ANKRD44: variants seen among roughly 807,000 people sequenced by gnomAD.
ANKRD44 encodes ankyrin repeat domain 44, also known as serine/threonine-protein phosphatase 6 regulatory ankyrin repeat subunit B.
In ANKRD44, 35 loss-of-function variants were observed where a neutral mutation model predicts 116.0. That is an observed-to-expected ratio of 0.30 (90% CI 0.23 to 0.40). The LOEUF is 0.40. Ranked by LOEUF, ANKRD44 falls within the 10% of genes least tolerant of loss-of-function variation. ANKRD44 has a pLI of 1.00. For synonymous variants in ANKRD44, 435 were observed against 461.8 expected, an observed-to-expected ratio of 0.94 and a Z score of 0.74; for missense variants, 1,014 against 1,242.6, an observed-to-expected ratio of 0.82 and a Z score of 2.77.
chr2:197,072,165 T>C lies in ANKRD44; in HGVS notation c.1650+6538A>G, dbSNP rs980319542. On this transcript the variant is annotated intron_variant, in intron 16 of 27. Coordinates refer to ENST00000282272, the MANE Select transcript of ANKRD44 (RefSeq NM_001195144.2). The stretch of plus-strand genomic sequence containing the variant: ...AGGGTGGGCCAGATTAACTTATTTT[T>C]TTGGTTGACTTGTAAACTGCCTTCT... Among the ~76,000 whole-genome samples, 13 of 152,004 alleles carry C rather than the reference T, an allele frequency of 8.6e-5. No homozygotes were observed. In the East Asian group the frequency reaches 2.3e-3, roughly 27 times the overall value.
At chr2:197,115,879 T>C (rs1019055053) in intron 8 of ANKRD44, among the ~76,000 whole-genome samples, 1 of 152,054 alleles carries the variant, frequency 6.6e-6, no homozygotes, top group African/African-American at 2.4e-5. Context: ...ATTTAGGAAA[T>C]CGGAGGATAC....
At chr2:197,287,538 T>C (rs2083439946) in intron 1 of ANKRD44, among the ~76,000 whole-genome samples, 1 of 152,188 alleles carries the variant, frequency 6.6e-6, no homozygotes, top group Non-Finnish European at 1.5e-5. Context: ...GAACCGTTTT[T>C]AATGCTGTTG....
intron 1 of ANKRD44, among the ~76,000 whole-genome samples, chr2:197,245,105 C>T (rs2082163136): frequency 6.6e-6 from 1 of 152,050 alleles, no homozygotes; most frequent in South Asian, 2.1e-4. Context: ...ACTAAAAATA[C>T]AAAAATTAGC....
intron 4 of ANKRD44, among the ~76,000 whole-genome samples, chr2:197,129,381 T>C (rs547238005): frequency 3.2e-4 from 49 of 152,300 alleles, no homozygotes; most frequent in Middle Eastern, 6.8e-3. Flanking sequence ...GTGATCCGCC[T>C]GCCTCAGCCT....
intron 1 of ANKRD44, among the ~76,000 whole-genome samples, chr2:197,194,240 G>A (rs192385979): frequency 1.6e-4 from 24 of 152,238 alleles, no homozygotes; most frequent in East Asian, 1.2e-3. Context: ...CAGCAACCTC[G>A]AAATTGTCAC....
At chr2:197,257,071 A>G (rs1046326071) in intron 1 of ANKRD44, among the ~76,000 whole-genome samples, 1 of 152,258 alleles carries the variant, frequency 6.6e-6, no homozygotes, top group African/African-American at 2.4e-5. Context: ...ACACCAATCC[A>G]ATCCCCAAGA....
At chr2:196,971,388 A>T (rs1201942389) in intron 21 of ANKRD44, among the ~76,000 whole-genome samples, 2 of 152,158 alleles carry the variant, frequency 1.3e-5, no homozygotes, top group African/African-American at 4.8e-5. Context: ...GACGAGTCTC[A>T]GTCTCTCACC....
intron 26 of ANKRD44, 60 bp from the exon 27 acceptor site, chr2:196,993,734 T>C (rs2125881757): frequency 1.4e-6 from 2 of 1,400,398 alleles, no homozygotes; most frequent in African/African-American, 1.4e-5. Context: ...ATGTGGAATT[T>C]TTGTTAGCCC....
At chr2:197,288,293 G>A (rs575144196) in intron 1 of ANKRD44, among the ~76,000 whole-genome samples, 165 of 152,242 alleles carry the variant, frequency 1.1e-3, no homozygotes, top group African/African-American at 3.6e-3. Context: ...ACATCTGAGA[G>A]GAAACTTCAT....
chr2:197,004,439 G>T (rs941529661), intron 21 of ANKRD44, among the ~76,000 whole-genome samples: 4 of 151,912 alleles, frequency 2.6e-5, no homozygotes, highest in African/African-American at 9.7e-5. Context: ...GCTCCCACAA[G>T]CATACGAGAA....
intron 16 of ANKRD44, among the ~76,000 whole-genome samples, chr2:197,036,722 G>T (rs1028221736): frequency 1.3e-5 from 2 of 152,140 alleles, no homozygotes; most frequent in East Asian, 1.9e-4. Context: ...TGTAGTATGT[G>T]TAAGGAAAGG....
intron 2 of ANKRD44, among the ~76,000 whole-genome samples, chr2:197,156,317 T>G (rs186199666): frequency 8.3e-4 from 125 of 150,256 alleles, no homozygotes; most frequent in African/African-American, 2.2e-3. Flanking sequence ...CTGCACTCCA[T>G]CCTGGGCGAC....
intron 3 of ANKRD44, among the ~76,000 whole-genome samples, chr2:197,140,005 A>G (rs2697261): frequency 0.93 from 140,666 of 151,780 alleles, 65,545 homozygotes; most frequent in East Asian, 1. Context: ...TCAGCCTCCC[A>G]AGTAGCTGGG....
chr2:197,222,602 T>G (rs1271227535), intron 1 of ANKRD44, among the ~76,000 whole-genome samples: 1 of 152,104 alleles, frequency 6.6e-6, no homozygotes, highest in African/African-American at 2.4e-5. Flanking sequence ...CTGGAGAAGT[T>G]TGGGAGAAAG....
chr2:197,139,296 G>A (rs2079299078), intron 3 of ANKRD44, among the ~76,000 whole-genome samples: 1 of 152,162 alleles, frequency 6.6e-6, no homozygotes, highest in South Asian at 2.1e-4. Context: ...TAACGACGTT[G>A]TGGTATACCC....
At chr2:197,166,571 A>C (rs761852576) in intron 2 of ANKRD44, among the ~76,000 whole-genome samples, 2 of 152,278 alleles carry the variant, frequency 1.3e-5, no homozygotes, top group Non-Finnish European at 2.9e-5. Flanking sequence ...CTTTAGAAAG[A>C]AATATTCCTA....
intron 13 of ANKRD44, 44 bp downstream of exon 13, chr2:197,086,636 T>C: frequency 6.3e-7 from 1 of 1,579,914 alleles, no homozygotes; most frequent in Non-Finnish European, 8.7e-7. Context: ...CACTCCCAGT[T>C]CCTCTTATTT....
At chr2:197,194,666 T>C (rs1285776896) in intron 1 of ANKRD44, among the ~76,000 whole-genome samples, 2 of 152,200 alleles carry the variant, frequency 1.3e-5, no homozygotes, top group Admixed American at 6.5e-5. Context: ...AAAGCTGCCA[T>C]ATATGAGATA....
chr2:196,996,098 T>C (rs2076006834), intron 25 of ANKRD44, among the ~76,000 whole-genome samples: 1 of 152,200 alleles, frequency 6.6e-6, no homozygotes, highest in South Asian at 2.1e-4. Context: ...TTTTAAGGGG[T>C]TATGGCTTCC....
Sources: gnomAD v4.1 joint callset for allele counts (sites outside exome capture counted in the v4.1 genomes callset) on GRCh38, gnomAD v4.1.1 for gene constraint, MANE v1.5 for transcripts, NCBI Gene and HGNC (gene_info 2026-07-23, HGNC 2026-07-21) for gene names.